The following FGF13 variants were observed in gnomAD, a reference collection of about 807,000 sequenced individuals.
FGF13 encodes the protein fibroblast growth factor homologous factor 2.
FGF13 carries 2 observed loss-of-function variants against 19.5 expected under a neutral mutation model. The observed-to-expected ratio is 0.10, with a 90% confidence interval of 0.04 to 0.32. The LOEUF is 0.32. Among genes scored for constraint, FGF13 ranks in the 10% least tolerant of loss-of-function variants. The probability of loss-of-function intolerance (pLI) is 1.00; values close to 1 mark genes in which losing one functional copy is unlikely to be tolerated. For synonymous variants in FGF13, 72 were observed against 76.9 expected (o/e 0.94, Z 0.33); for missense variants, 113 against 192.7 (o/e 0.59, Z 2.45).
At chrX:139,059,661 G>A (rs933058265) in intron 1 of FGF13, among the ~76,000 whole-genome samples, 1 of 111,811 alleles carries the variant, frequency 8.9e-6, no homozygotes, top group Non-Finnish European at 1.9e-5. Flanking sequence ...GGAACATAAT[G>A]TTTTCTAAAT....
chrX:139,000,996 A>G lies in FGF13; in HGVS notation c.-112-136346T>C, dbSNP rs192146627. ...TGGTACCAAAACAGAGATATAGATC[A>G]ATGGAACAGAACAGAGCCCTCAGAA... On this transcript the variant is annotated intron_variant, in intron 1 of 2. Transcript: ENST00000421460. 2.3e-4 allele frequency among the ~76,000 whole-genome samples: 26 copies of G among 111,941 alleles called. No homozygotes were observed. In the Admixed American group the frequency reaches 2.5e-3, roughly 11 times the overall value.
intron 1 of FGF13, among the ~76,000 whole-genome samples, chrX:138,895,580 T>C (rs1326163706): frequency 1.8e-5 from 2 of 111,921 alleles, no homozygotes; most frequent in Non-Finnish European, 3.8e-5. Context: ...GGTACAGCCA[T>C]AATGAAAAAT....
intron 1 of FGF13, among the ~76,000 whole-genome samples, chrX:138,939,887 C>T (rs1246207200): frequency 9.0e-6 from 1 of 111,598 alleles, no homozygotes; most frequent in Non-Finnish European, 1.9e-5. Flanking sequence ...CATACACATG[C>T]GTGTGTCTTT....
At chrX:139,091,552 G>C (rs2083440252) in intron 1 of FGF13, among the ~76,000 whole-genome samples, 1 of 111,412 alleles carries the variant, frequency 9.0e-6, no homozygotes, top group Non-Finnish European at 1.9e-5. Context: ...TGTCCACTGA[G>C]AGAGACAAAC....
intron 1 of FGF13, among the ~76,000 whole-genome samples, chrX:138,717,201 A>C (rs779177084): frequency 8.9e-6 from 1 of 111,849 alleles, no homozygotes; most frequent in African/African-American, 3.2e-5. Flanking sequence ...CCATTTAATC[A>C]AGAAAACCTG....
At chrX:138,720,086 A>G (rs1366077669) in intron 1 of FGF13, among the ~76,000 whole-genome samples, 1 of 112,835 alleles carries the variant, frequency 8.9e-6, no homozygotes, top group Non-Finnish European at 1.9e-5. Context: ...GCTCTAATGT[A>G]TTGAGCACCA....
intron 3 of FGF13, among the ~76,000 whole-genome samples, chrX:138,796,347 T>A (rs2090778224): frequency 8.9e-6 from 1 of 111,893 alleles, no homozygotes; most frequent in African/African-American, 3.3e-5. Flanking sequence ...TGTGTTAGTT[T>A]GCTGAGAATG....
intron 1 of FGF13, among the ~76,000 whole-genome samples, chrX:139,171,638 A>AAG (rs200004110): frequency 0.015 from 1,700 of 112,381 alleles, 13 homozygotes; most frequent in Non-Finnish European, 0.024. Context: ...AGAAAAAAAA[A>AAG]TCAATTTAAT....
chrX:138,731,589 A>G (rs12840565), intron 1 of FGF13, among the ~76,000 whole-genome samples: 1 of 110,936 alleles, frequency 9.0e-6, no homozygotes, highest in Non-Finnish European at 1.9e-5. Context: ...CAAACAGAAG[A>G]AAGTTATAAA....
Position 139,193,588 on chromosome X carries a change from C to T in FGF13, c.-113+9828G>A, listed in dbSNP as rs568340911. On this transcript the variant is annotated intron_variant, in intron 1 of 2. Transcript: ENST00000421460. ...AAGCAGTCAGTGCCTGCTGGGAGGG[C>T]GGAAGAAAGGCTTCATGGAGGATGG... is the stretch of plus-strand genomic sequence containing the variant. Among the ~76,000 whole-genome samples the T allele has an allele frequency of 5.5e-4, 61 of 110,915 alleles. 1 individual carries two copies. The South Asian group carries it at 0.023, about 42-fold the overall frequency.
intron 1 of FGF13, among the ~76,000 whole-genome samples, chrX:138,998,326 C>T (rs1028808970): frequency 7.2e-5 from 8 of 111,297 alleles, no homozygotes; most frequent in Non-Finnish European, 1.5e-4. Context: ...CAAATTCACA[C>T]ATAACAATAT....
intron 1 of FGF13, among the ~76,000 whole-genome samples, chrX:139,053,886 A>G (rs1237920326): frequency 9.0e-6 from 1 of 111,235 alleles, no homozygotes; most frequent in Non-Finnish European, 1.9e-5. Flanking sequence ...TTATAGTTTC[A>G]GGTCTTAGGT....
At chrX:139,002,269 C>T (rs1428628913) in intron 1 of FGF13, among the ~76,000 whole-genome samples, 2 of 111,089 alleles carry the variant, frequency 1.8e-5, no homozygotes, top group Non-Finnish European at 3.8e-5. Flanking sequence ...AGCAAACTCA[C>T]ATGTCACATG....
At chrX:139,029,318 A>G (rs1418819247) in intron 1 of FGF13, among the ~76,000 whole-genome samples, 1 of 111,757 alleles carries the variant, frequency 8.9e-6, no homozygotes, top group Non-Finnish European at 1.9e-5. Context: ...AACCGTCCTT[A>G]TTACCAGACA....
intron 1 of FGF13, among the ~76,000 whole-genome samples, chrX:139,092,291 G>A (rs1042377068): frequency 8.9e-6 from 1 of 112,453 alleles, no homozygotes; most frequent in African/African-American, 3.2e-5. Context: ...AATAGCTTCT[G>A]ATTATTCAGT....
At chrX:138,941,013 C>G (rs1274763409) in intron 1 of FGF13, among the ~76,000 whole-genome samples, 1 of 111,356 alleles carries the variant, frequency 9.0e-6, no homozygotes, top group East Asian at 2.8e-4. Context: ...AATTTAACAT[C>G]TCTTCATGTT....
At chrX:139,106,066 G>T (rs1471763518) in intron 1 of FGF13, among the ~76,000 whole-genome samples, 1 of 112,026 alleles carries the variant, frequency 8.9e-6, no homozygotes, top group African/African-American at 3.2e-5. Flanking sequence ...ACACTGCATG[G>T]GAATGCTAAT....
At chrX:138,938,996 C>T (rs1399361105) in intron 1 of FGF13, among the ~76,000 whole-genome samples, 1 of 111,998 alleles carries the variant, frequency 8.9e-6, no homozygotes, top group Non-Finnish European at 1.9e-5. Flanking sequence ...GGAAAGAGTC[C>T]ATTAGGCGTT....
chrX:139,020,157 T>C (rs2092172285), intron 1 of FGF13, among the ~76,000 whole-genome samples: 1 of 111,511 alleles, frequency 9.0e-6, no homozygotes, highest in Admixed American at 9.5e-5. Context: ...AAAATGATGA[T>C]CTATGCTAAC....
Sources: gnomAD v4.1 joint callset for allele counts (sites outside exome capture counted in the v4.1 genomes callset) on GRCh38, gnomAD v4.1.1 for gene constraint, MANE v1.5 for transcripts, NCBI Gene and HGNC (gene_info 2026-07-23, HGNC 2026-07-21) for gene names.